GYPE: variants seen among roughly 807,000 people sequenced by gnomAD.
GYPE encodes the protein glycophorin-E.
In GYPE, 8 loss-of-function variants were observed where a neutral mutation model predicts 11.6. The ratio of observed to expected loss-of-function variants is 0.69; its 90% CI spans 0.41 to 1.25. The LOEUF (loss-of-function observed/expected upper bound fraction) is 1.25, where lower values mean the gene tolerates loss of function less well. GYPE is among the 50% of genes most tolerant of loss of function. GYPE has a pLI of 0.01. For missense variants in GYPE, 90 were observed against 92.8 expected (o/e 0.97, Z 0.12); for synonymous variants, 28 against 29.6 (o/e 0.94, Z 0.18).
At chr4:143,886,233 TCGTA>T (rs200730789) in intron 1 of GYPE, among the ~76,000 whole-genome samples, 67,961 of 79,658 alleles carry the variant, frequency 0.85, 29,532 homozygotes, top group East Asian at 0.99. Flanking sequence ...TTAAATAATT[TCGTA>T]GTTATTCCAG....
chr4:143,879,391 A>T (rs1451864547), intron 2 of GYPE, among the ~76,000 whole-genome samples: 1 of 152,078 alleles, frequency 6.6e-6, no homozygotes, highest in East Asian at 1.9e-4. Context: ...ATTCAGGTAT[A>T]TTTTTTCATT....
At chr4:143,902,528 C>G (rs1383889460) in intron 1 of GYPE, among the ~76,000 whole-genome samples, 2 of 151,890 alleles carry the variant, frequency 1.3e-5, no homozygotes, top group African/African-American at 4.8e-5. Context: ...TTCCTCCTGT[C>G]TCTTCCTTTC....
At chr4:143,894,431 CTT>C (rs1026045843) in intron 1 of GYPE, among the ~76,000 whole-genome samples, 3 of 151,844 alleles carry the variant, frequency 2.0e-5, no homozygotes, top group Non-Finnish European at 4.4e-5. Flanking sequence ...TTTTCCCCAT[CTT>C]TGTGGTTTTA....
At chr4:143,876,437 C>T (rs1461936431) in intron 3 of GYPE, among the ~76,000 whole-genome samples, 2 of 152,056 alleles carry the variant, frequency 1.3e-5, no homozygotes, top group Non-Finnish European at 2.9e-5. Context: ...AGGGTAAATA[C>T]TATAAGTAGC....
At chr4:143,893,638 C>T (rs979311673) in intron 1 of GYPE, among the ~76,000 whole-genome samples, 5 of 152,008 alleles carry the variant, frequency 3.3e-5, no homozygotes, top group African/African-American at 1.2e-4. Flanking sequence ...GAATATTGGC[C>T]CCCGCTCTCT....
At chr4:143,879,272 A>G (rs1304423491) in intron 2 of GYPE, among the ~76,000 whole-genome samples, 1 of 152,198 alleles carries the variant, frequency 6.6e-6, no homozygotes, top group Admixed American at 6.5e-5. Context: ...CTCTGTCTCC[A>G]CTTGCCATTT....
chr4:143,902,234 G>T (rs11100816), intron 1 of GYPE, among the ~76,000 whole-genome samples: 141,838 of 151,258 alleles, frequency 0.94, 67,238 homozygotes, highest in East Asian at 1. Flanking sequence ...ACACAGGTTT[G>T]GCTTTTAAAG....
intron 1 of GYPE, among the ~76,000 whole-genome samples, chr4:143,881,964 A>G (rs189463466): frequency 3.3e-5 from 5 of 152,268 alleles, no homozygotes; most frequent in Admixed American, 3.3e-4. Context: ...ACCTCTCATT[A>G]GTCTACTCAA....
At chr4:143,895,097 A>T (rs1306318941) in intron 1 of GYPE, among the ~76,000 whole-genome samples, 1 of 152,202 alleles carries the variant, frequency 6.6e-6, no homozygotes, top group Non-Finnish European at 1.5e-5. Context: ...AACTGGCACA[A>T]GACAGGGATG....
At chr4:143,881,614 T>G (rs914698752) in intron 1 of GYPE, among the ~76,000 whole-genome samples, 2 of 152,234 alleles carry the variant, frequency 1.3e-5, no homozygotes, top group African/African-American at 4.8e-5. Context: ...CAGATATCCC[T>G]ATGCTGTCAA....
intron 1 of GYPE, among the ~76,000 whole-genome samples, chr4:143,898,451 G>A (rs1417999512): frequency 1.3e-5 from 2 of 152,098 alleles, no homozygotes; most frequent in African/African-American, 4.8e-5. Context: ...AGAATTAAGA[G>A]CAAAGACATT....
intron 1 of GYPE, among the ~76,000 whole-genome samples, chr4:143,882,391 A>G (rs542022320): frequency 2.0e-4 from 30 of 152,216 alleles, no homozygotes; most frequent in Non-Finnish European, 3.7e-4. Context: ...ATGAACAAAA[A>G]TAATCCATCT....
At position 143,892,666 on chromosome 4, in the gene GYPE, T is replaced by C. The variant is rs954106397; in HGVS notation, c.38-12157A>G. Among the ~76,000 whole-genome samples, 800 of 152,020 alleles carry C rather than the reference T, an allele frequency of 5.3e-3. 9 individuals are homozygous for C. The highest frequency in any genetic ancestry group is 0.018 in the African/African-American group (756 of 41,442). Reference sequence around the variant, plus strand: ...GAGTTCTAGTTTGATTGCACTGTGGTCTGAGAGACAGTTTGTTATAATTTC... The same window carrying C: ...GAGTTCTAGTTTGATTGCACTGTGGCCTGAGAGACAGTTTGTTATAATTTC... On this transcript the variant is annotated intron_variant, in intron 1 of 3. Coordinates refer to ENST00000358615, the MANE Select transcript of GYPE (RefSeq NM_198682.3).
At chr4:143,883,730 C>A (rs1322637566) in intron 1 of GYPE, among the ~76,000 whole-genome samples, 4 of 148,730 alleles carry the variant, frequency 2.7e-5, no homozygotes, top group Non-Finnish European at 5.9e-5. Flanking sequence ...ATAGCACATG[C>A]AGAATGAATG....
intron 1 of GYPE, among the ~76,000 whole-genome samples, chr4:143,886,276 A>G (rs1417477679): frequency 7.0e-6 from 1 of 143,052 alleles, no homozygotes; most frequent in Non-Finnish European, 1.5e-5. Context: ...CAATTTAAAG[A>G]ATTTCATCAA....
Position 143,874,399 on chromosome 4 carries a change from A to C in GYPE, c.*10-2147T>G, listed in dbSNP as rs576681187. Among the ~76,000 whole-genome samples, 750 of 151,938 alleles carry C rather than the reference A, an allele frequency of 4.9e-3. 11 individuals carry two copies. Among genetic ancestry groups the C allele is most frequent in the African/African-American group, 0.017 (723 of 41,496 alleles). ...CTTGTCATCAGACCTACCAGATTTT[A>C]TCATGGTGTGACTGTAATGTCTGAG... On this transcript the variant is annotated intron_variant, in intron 3 of 3. Transcript: ENST00000358615.
At chr4:143,905,157 A>T (rs1051960216) in intron 1 of GYPE, among the ~76,000 whole-genome samples, 2 of 152,208 alleles carry the variant, frequency 1.3e-5, no homozygotes, top group African/African-American at 4.8e-5. Context: ...TAACTCAAAC[A>T]AAGCAATACA....
intron 2 of GYPE, among the ~76,000 whole-genome samples, chr4:143,880,209 C>A (rs1743970370): frequency 6.6e-6 from 1 of 152,200 alleles, no homozygotes; most frequent in Non-Finnish European, 1.5e-5. Context: ...ATTTCTTTAA[C>A]TCACAGTATT....
rs114588483 is a variant in GYPE at position 143,880,652 on chromosome 4, G to T, written c.38-143C>A. ...GTATATATCTTACATAATCTTTAGA[G>T]AATTGCTGTGTGGTAAGTATTGTAT... On this transcript the variant is annotated intron_variant, in intron 1 of 3. Transcript: ENST00000358615. 2,335 of 1,323,552 alleles carry T rather than the reference G, an allele frequency of 1.8e-3. 35 individuals carry two copies. In the African/African-American group the frequency reaches 0.03, roughly 17 times the overall value. 82.0% of individuals were successfully genotyped at this position (1,323,552 alleles called of 1,614,324 possible).
Sources: allele counts gnomAD v4.1 joint callset (sites outside exome capture counted in the v4.1 genomes callset), GRCh38; gene constraint gnomAD v4.1.1; transcripts MANE v1.5; gene names NCBI Gene and HGNC (gene_info 2026-07-23, HGNC 2026-07-21).